Variants in THSD7A observed in about 807,000 individuals in gnomAD.
The protein encoded by THSD7A is thrombospondin type 1 domain containing 7A.
In THSD7A, 96 loss-of-function variants were observed where a neutral mutation model predicts 231.3. The observed-to-expected ratio is 0.41, with a 90% CI of 0.35 to 0.49. The LOEUF is 0.49. Among genes scored for constraint, THSD7A ranks in the 20% least tolerant of loss-of-function variants. The probability of loss-of-function intolerance (pLI) is 0.05; values close to 1 mark genes in which losing one functional copy is unlikely to be tolerated. For synonymous variants in THSD7A, 940 were observed against 743.3 expected (o/e 1.26, Z -4.30); for missense variants, 2,290 against 2,070.2 (o/e 1.11, Z -2.06).
chr7:11,679,938 T>G (rs1432195980), intron 1 of THSD7A, among the ~76,000 whole-genome samples: 1 of 152,054 alleles, frequency 6.6e-6, no homozygotes, highest in Non-Finnish European at 1.5e-5. Flanking sequence ...CTACCTGACT[T>G]CAAACTATAC....
intron 4 of THSD7A, among the ~76,000 whole-genome samples, chr7:11,552,202 C>T (rs574230398): frequency 3.9e-5 from 6 of 152,002 alleles, no homozygotes; most frequent in South Asian, 2.1e-4. Context: ...GATTGAAAAA[C>T]GACCTATTGA....
intron 23 of THSD7A, among the ~76,000 whole-genome samples, chr7:11,396,928 C>A (rs1407962805): frequency 6.6e-6 from 1 of 152,178 alleles, no homozygotes; most frequent in African/African-American, 2.4e-5. Context: ...AAAAGCTTAT[C>A]CACCATGATC....
intron 10 of THSD7A, 45 bp downstream of exon 10, chr7:11,461,966 G>C (rs778195482): frequency 6.3e-6 from 10 of 1,595,064 alleles, no homozygotes; most frequent in Middle Eastern, 1.7e-4. Context: ...TGGAGTTGAC[G>C]TATTTGTTCA....
chr7:11,748,605 A>G (rs1044105153), intron 1 of THSD7A, among the ~76,000 whole-genome samples: 3 of 152,152 alleles, frequency 2.0e-5, no homozygotes, highest in African/African-American at 7.2e-5. Flanking sequence ...ATGAAAAGTC[A>G]CATAAATGGT....
At chr7:11,731,684 T>C (rs1418137598) in intron 1 of THSD7A, among the ~76,000 whole-genome samples, 1 of 151,604 alleles carries the variant, frequency 6.6e-6, no homozygotes, top group Non-Finnish European at 1.5e-5. Context: ...CAGCAATCAA[T>C]GCACCTATAA....
intron 1 of THSD7A, among the ~76,000 whole-genome samples, chr7:11,792,772 A>G (rs1174491736): frequency 2.6e-5 from 4 of 152,010 alleles, no homozygotes; most frequent in Non-Finnish European, 5.9e-5. Flanking sequence ...TTTTCTGTAA[A>G]TAGTTTAGGC....
At chr7:11,600,052 G>C (rs532486640) in intron 2 of THSD7A, among the ~76,000 whole-genome samples, 55 of 152,088 alleles carry the variant, frequency 3.6e-4, no homozygotes, top group Admixed American at 3.4e-3. Context: ...GGCTCTCCTA[G>C]CTCCTCAGCT....
intron 1 of THSD7A, among the ~76,000 whole-genome samples, chr7:11,731,047 ATTGT>A (rs71027425): frequency 0.022 from 3,267 of 151,652 alleles, 52 homozygotes; most frequent in Admixed American, 0.033. Context: ...GCATATATAA[ATTGT>A]TTATTTCCTT....
chr7:11,571,567 C>G (rs74433507), intron 4 of THSD7A, among the ~76,000 whole-genome samples: 23,219 of 152,220 alleles, frequency 0.15, 2,039 homozygotes, highest in Admixed American at 0.26. Flanking sequence ...TGTCCAAGAT[C>G]ACATGGCTCA....
intron 22 of THSD7A, among the ~76,000 whole-genome samples, chr7:11,402,935 T>G (rs1783455759): frequency 6.6e-6 from 1 of 152,238 alleles, no homozygotes; most frequent in South Asian, 2.1e-4. Flanking sequence ...AGTCTTTTGA[T>G]GAACTTATAT....
intron 16 of THSD7A, among the ~76,000 whole-genome samples, chr7:11,421,419 C>T (rs1016652354): frequency 6.6e-6 from 1 of 150,890 alleles, no homozygotes; most frequent in South Asian, 2.1e-4. Context: ...TTGTAAGTTT[C>T]CTGAAGGCTC....
intron 11 of THSD7A, among the ~76,000 whole-genome samples, chr7:11,455,487 T>A (rs6958879): frequency 1.2e-4 from 18 of 152,134 alleles, no homozygotes; most frequent in African/African-American, 4.3e-4. Context: ...CTGGGGATAA[T>A]TGATATAAAA....
chr7:11,780,661 A>G (rs761399589), intron 1 of THSD7A, among the ~76,000 whole-genome samples: 4 of 152,196 alleles, frequency 2.6e-5, no homozygotes, highest in Non-Finnish European at 4.4e-5. Context: ...AGAATCACCC[A>G]GGGAAACCAT....
intron 2 of THSD7A, among the ~76,000 whole-genome samples, chr7:11,609,725 T>A (rs140316972): frequency 1.3e-4 from 20 of 152,154 alleles, no homozygotes; most frequent in African/African-American, 4.8e-4. Flanking sequence ...TAGATACTCA[T>A]CACAGATCAT....
chr7:11,816,669 A>C (rs1784712900), intron 1 of THSD7A, among the ~76,000 whole-genome samples: 2 of 152,214 alleles, frequency 1.3e-5, no homozygotes, highest in African/African-American at 4.8e-5. Context: ...GTTATTGAGG[A>C]ACATAAGCTT....
intron 6 of THSD7A, among the ~76,000 whole-genome samples, chr7:11,507,961 G>A (rs1478130416): frequency 6.6e-6 from 1 of 152,190 alleles, no homozygotes; most frequent in Admixed American, 6.5e-5. Context: ...CATGGCAAGG[G>A]AGGCCTCAGG....
rs78574540 is a variant in THSD7A at position 11,464,129 on chromosome 7, T to G, written c.2369-1986A>C. Among the ~76,000 whole-genome samples, 109 of 152,228 alleles carry G rather than the reference T, an allele frequency of 7.2e-4. 1 individual carries two copies. In the East Asian group the frequency reaches 0.02, roughly 28 times the overall value. ...CCTTCTTTTACAATTTCTATTTTTT[T>G]CTTTTGTTTTATGTGTATGAACTGT... is the stretch of plus-strand genomic sequence containing the variant. On this transcript the variant is annotated intron_variant, in intron 9 of 27. Coordinates refer to ENST00000423059, the MANE Select transcript of THSD7A (RefSeq NM_015204.3).
intron 4 of THSD7A, among the ~76,000 whole-genome samples, chr7:11,543,799 G>T (rs1044074914): frequency 2.7e-5 from 4 of 150,336 alleles, no homozygotes; most frequent in African/African-American, 1.0e-4. Context: ...GATAAATGTT[G>T]CTTGTCCTTG....
chr7:11,778,915 T>C (rs553360978), intron 1 of THSD7A, among the ~76,000 whole-genome samples: 61 of 152,254 alleles, frequency 4.0e-4, no homozygotes, highest in African/African-American at 1.5e-3. Context: ...TATAAAGCAC[T>C]TTTACATACT....
Sources: gnomAD v4.1 joint callset for allele counts (sites outside exome capture counted in the v4.1 genomes callset) on GRCh38, gnomAD v4.1.1 for gene constraint, MANE v1.5 for transcripts, NCBI Gene and HGNC (gene_info 2026-07-23, HGNC 2026-07-21) for gene names.